The following RBKS variants were observed in gnomAD, a reference collection of about 807,000 sequenced individuals.
The protein encoded by RBKS is ribokinase.
Under a neutral mutation model 33.9 loss-of-function variants are expected in RBKS, and 33 were observed. The ratio of observed to expected loss-of-function variants is 0.97; its 90% CI spans 0.74 to 1.30. RBKS has a LOEUF of 1.30. RBKS is among the 50% of genes most tolerant of loss of function. The pLI is 0.00. For synonymous variants in RBKS, 125 were observed against 143.0 expected (o/e 0.87, Z 0.90); for missense variants, 361 against 392.6 (o/e 0.92, Z 0.68).
intron 1 of RBKS, among the ~76,000 whole-genome samples, chr2:27,873,657 T>C (rs1029187922): frequency 6.6e-6 from 1 of 152,198 alleles, no homozygotes; most frequent in Admixed American, 6.5e-5. Context: ...GTATGAATTG[T>C]AATTTTTTAA....
intron 4 of RBKS, among the ~76,000 whole-genome samples, chr2:27,845,527 G>GAAC (rs5830051): frequency 0.25 from 37,515 of 151,138 alleles, 5,428 homozygotes; most frequent in East Asian, 0.62. Flanking sequence ...GATAGTCCTA[G>GAAC]AACAACAACA....
chr2:27,863,332 G>T (rs967529243), intron 1 of RBKS, among the ~76,000 whole-genome samples: 1 of 152,244 alleles, frequency 6.6e-6, no homozygotes, highest in Non-Finnish European at 1.5e-5. Flanking sequence ...CAGGCAGGAG[G>T]CCTGAGCCAC....
At chr2:27,793,347 G>A (rs1026471627) in intron 7 of RBKS, among the ~76,000 whole-genome samples, 2 of 152,160 alleles carry the variant, frequency 1.3e-5, no homozygotes, top group Admixed American at 6.5e-5. Flanking sequence ...CACAGATTAT[G>A]TATTAATTAC....
In RBKS at chr2:27,795,707, C is replaced by T. The variant is rs1677653779; in HGVS notation, c.796-13919G>A. On this transcript the variant is annotated intron_variant, in intron 7 of 7. Transcript: ENST00000302188. The surrounding 1 kb of genome is among the most constrained non-coding windows in gnomAD (Gnocchi z 4.1). ...TGTACCCAGACCCAGTGATTCCGCT[C>T]CCATCCTGTTTCACCACCCAGTGAA... Among the ~76,000 whole-genome samples the T allele has an allele frequency of 6.6e-6, 1 of 152,098 alleles. No individual in the cohort carries two copies. The highest frequency in any genetic ancestry group is 2.4e-5 in the African/African-American group (1 of 41,398).
intron 1 of RBKS, among the ~76,000 whole-genome samples, chr2:27,887,996 A>C (rs768993781): frequency 6.6e-6 from 1 of 152,152 alleles, no homozygotes; most frequent in Non-Finnish European, 1.5e-5. Context: ...CACCCCACAA[A>C]GTACTATAGT....
chr2:27,856,724 A>G lies in RBKS; in HGVS notation c.222+1715T>C, dbSNP rs1159304731. Among the ~76,000 whole-genome samples, 6 of 152,142 alleles carry G rather than the reference A, an allele frequency of 3.9e-5. No individual in the cohort carries two copies. The East Asian group carries it at 9.6e-4, about 24-fold the overall frequency. On this transcript the variant is annotated intron_variant, in intron 2 of 7. Coordinates refer to ENST00000302188, the MANE Select transcript of RBKS (RefSeq NM_022128.3). ...TTCCCAGCGAAGCCATTTTGGGTGC[A>G]TAGCTTCCAACGCCAATTCTATGTC...
intron 2 of RBKS, among the ~76,000 whole-genome samples, chr2:27,856,764 C>T (rs1349562282): frequency 3.9e-5 from 6 of 152,166 alleles, no homozygotes; most frequent in African/African-American, 1.4e-4. Context: ...TTTTCCTACA[C>T]AGGAAATTAT....
At chr2:27,808,570 C>T (rs1480648427) in intron 7 of RBKS, among the ~76,000 whole-genome samples, 1 of 152,172 alleles carries the variant, frequency 6.6e-6, no homozygotes, top group Non-Finnish European at 1.5e-5. Context: ...CTATTGTTGA[C>T]AAATGGCTCC....
intron 1 of RBKS, among the ~76,000 whole-genome samples, chr2:27,878,401 G>A (rs1319774378): frequency 1.3e-3 from 198 of 151,246 alleles, no homozygotes; most frequent in African/African-American, 4.6e-3. Flanking sequence ...TGGTGTATAT[G>A]TGCCACATTT....
intron 4 of RBKS, among the ~76,000 whole-genome samples, chr2:27,846,537 T>C (rs1232531631): frequency 6.6e-6 from 1 of 152,250 alleles, no homozygotes; most frequent in South Asian, 2.1e-4. Context: ...GTTGTATATA[T>C]AGACTTTTGA....
At chr2:27,785,423 G>GTA (rs1328969143) in intron 7 of RBKS, among the ~76,000 whole-genome samples, 1 of 152,154 alleles carries the variant, frequency 6.6e-6, no homozygotes, top group Non-Finnish European at 1.5e-5. Context: ...AAAAGGAAAT[G>GTA]TATATGGTAG....
At chr2:27,861,668 G>A (rs553266807) in intron 1 of RBKS, 2 of 429,678 alleles carry the variant, frequency 4.7e-6, no homozygotes, top group Non-Finnish European at 9.6e-6. Flanking sequence ...CTTTTTGGGG[G>A]GGGGGTGGAG....
At chr2:27,877,327 G>A (rs563295555) in intron 1 of RBKS, among the ~76,000 whole-genome samples, 1 of 151,740 alleles carries the variant, frequency 6.6e-6, no homozygotes, top group African/African-American at 2.4e-5. Context: ...GTATATGGAA[G>A]ATTCTATTTT....
chr2:27,801,981 T>A (rs1259841583), intron 7 of RBKS, among the ~76,000 whole-genome samples: 2 of 99,946 alleles, frequency 2.0e-5, no homozygotes, highest in Non-Finnish European at 3.9e-5. Flanking sequence ...TATATATATA[T>A]ATATATATAT....
chr2:27,790,564 T>G (rs557921107), intron 7 of RBKS, among the ~76,000 whole-genome samples: 1 of 152,102 alleles, frequency 6.6e-6, no homozygotes, highest in Non-Finnish European at 1.5e-5. Flanking sequence ...AACTCAATAA[T>G]ACAATCCAAT....
intron 7 of RBKS, among the ~76,000 whole-genome samples, chr2:27,790,460 T>C (rs1226349888): frequency 6.6e-6 from 1 of 152,148 alleles, no homozygotes; most frequent in Non-Finnish European, 1.5e-5. Context: ...TTTATCCAAA[T>C]TTAAAGCCTC....
chr2:27,808,420 T>C (rs985485503), intron 7 of RBKS, among the ~76,000 whole-genome samples: 6 of 152,240 alleles, frequency 3.9e-5, no homozygotes, highest in African/African-American at 1.4e-4. Context: ...GGATTCCATC[T>C]AAAATTGAGT....
intron 7 of RBKS, 24 bp downstream of exon 7, chr2:27,827,543 T>C: frequency 6.6e-7 from 1 of 1,521,698 alleles, no homozygotes; most frequent in Non-Finnish European, 8.8e-7. Flanking sequence ...AGGCTAAACA[T>C]GATTCTTAAA....
intron 5 of RBKS, among the ~76,000 whole-genome samples, chr2:27,835,176 TG>T (rs1025322136): frequency 6.7e-6 from 1 of 150,296 alleles, no homozygotes; most frequent in Admixed American, 6.7e-5. Context: ...CTCCAGAGGC[TG>T]GGGCAGGAGA....
Sources: allele counts gnomAD v4.1 joint callset (sites outside exome capture counted in the v4.1 genomes callset), GRCh38; gene constraint gnomAD v4.1.1; non-coding constraint Gnocchi (gnomAD v3.1); transcripts MANE v1.5; gene names NCBI Gene and HGNC (gene_info 2026-07-23, HGNC 2026-07-21).